SLC15A4: variants seen among roughly 807,000 people sequenced by gnomAD.
The protein encoded by SLC15A4 is hPHT1.
Under a neutral mutation model 46.1 loss-of-function variants are expected in SLC15A4, and 26 were observed. The observed-to-expected ratio is 0.56, with a 90% CI of 0.41 to 0.78. SLC15A4 has a LOEUF of 0.78. SLC15A4 is among the 30% of genes least tolerant of loss of function. The pLI is 0.00. For missense variants in SLC15A4, 751 were observed against 755.7 expected, an observed-to-expected ratio of 0.99 and a Z score of 0.07; for synonymous variants, 370 against 333.4, an observed-to-expected ratio of 1.11 and a Z score of -1.20.
intron 1 of SLC15A4, among the ~76,000 whole-genome samples, chr12:128,816,134 G>C (rs1955747650): frequency 1.3e-5 from 2 of 152,206 alleles, no homozygotes; most frequent in South Asian, 4.1e-4. Flanking sequence ...TCAAACAAAA[G>C]CACTGAGGTA....
intron 1 of SLC15A4, among the ~76,000 whole-genome samples, chr12:128,816,461 T>C (rs565713656): frequency 1.2e-4 from 18 of 152,250 alleles, no homozygotes; most frequent in Non-Finnish European, 1.8e-4. Context: ...AAAATTCTTA[T>C]TCTAATAATA....
At chr12:128,814,521 C>A (rs1955716463) in intron 2 of SLC15A4, 1 of 469,230 alleles carries the variant, frequency 2.1e-6, no homozygotes, top group Non-Finnish European at 3.8e-6. Context: ...TCCGTCTACA[C>A]TAGCAGTGAG....
chr12:128,823,597 C>G lies in SLC15A4; in HGVS notation c.347G>C (p.Gly116Ala). The G allele has an allele frequency of 6.9e-7, 1 of 1,457,628 alleles. No homozygotes were observed. The highest frequency in any genetic ancestry group is 9.0e-7 in the Non-Finnish European group (1 of 1,111,306). The allele number at this position is 1,457,628 out of a possible 1,614,324, so 90.3% of individuals were successfully genotyped here. Reference sequence around the variant, plus strand: ...GGCCAGCAGCGGGAAGGCCAGCATGCCCAGCAGGTAGAGCGCCAGGCTCAG... The same window carrying G: ...GGCCAGCAGCGGGAAGGCCAGCATGGCCAGCAGGTAGAGCGCCAGGCTCAG... ...ILLSLALYLL[G>A]MLAFPLLAAP... is the part of the protein sequence containing the mutation. The change falls in exon 1 of 8, where the codon GGC becomes GCC. Residue 116 changes from glycine to alanine, a missense_variant. Gly to Ala is a moderately conservative substitution (Grantham distance 60, BLOSUM62 0). Transcript: ENST00000266771.
intron 5 of SLC15A4, among the ~76,000 whole-genome samples, chr12:128,806,900 CG>C (rs1458654900): frequency 7.7e-6 from 1 of 129,822 alleles, no homozygotes. Context: ...ATTTTGCTAG[CG>C]CTTTTTTTTT....
At chr12:128,805,469 A>C (rs1955573623) in intron 5 of SLC15A4, among the ~76,000 whole-genome samples, 1 of 152,212 alleles carries the variant, frequency 6.6e-6, no homozygotes, top group African/African-American at 2.4e-5. Context: ...TAAACCTAAC[A>C]TAAAAGGTAG....
At chr12:128,805,897 C>A (rs1404880831) in intron 5 of SLC15A4, among the ~76,000 whole-genome samples, 1 of 151,916 alleles carries the variant, frequency 6.6e-6, no homozygotes, top group Non-Finnish European at 1.5e-5. Flanking sequence ...AAAAGAAAAA[C>A]CTGGCCGGGT....
At chr12:128,802,339 G>A (rs528960326) in intron 5 of SLC15A4, among the ~76,000 whole-genome samples, 16 of 152,206 alleles carry the variant, frequency 1.1e-4, no homozygotes, top group African/African-American at 2.2e-4. Context: ...TGGCATCAGC[G>A]CCTTCAAACA....
At chr12:128,795,515 G>A (rs1201112978) in intron 7 of SLC15A4, among the ~76,000 whole-genome samples, 1 of 152,172 alleles carries the variant, frequency 6.6e-6, no homozygotes, top group Admixed American at 6.5e-5. Flanking sequence ...GTAAAATGGG[G>A]AAAGCGCCGA....
chr12:128,798,921 CG>C (rs3214973), intron 7 of SLC15A4, among the ~76,000 whole-genome samples: 14,403 of 152,232 alleles, frequency 0.095, 922 homozygotes, highest in Admixed American at 0.2. Context: ...AGCTGCCTCA[CG>C]AAGACTGAGC....
Position 128,823,677 on chromosome 12 carries a change from C to T in SLC15A4, c.267G>A (p.Ser89=). The change falls in exon 1 of 8, where the codon TCG becomes TCA. Residue 89 remains serine (S), a synonymous_variant. Transcript: ENST00000266771. The part of the protein sequence containing the change: ...LLFMGLTYLG[S]PFGGWLADAR... ...CGTCGGCCAGCCAGCCTCCGAACGG[C>T]GAGCCCAGGTAGGTGAGGCCCATGA... The T allele has an allele frequency of 6.7e-7, 1 of 1,502,586 alleles. No individual in the cohort carries two copies. Among genetic ancestry groups the T allele is most frequent in the Admixed American group, 2.1e-5 (1 of 47,316 alleles). 93.1% of individuals were successfully genotyped at this position (1,502,586 alleles called of 1,614,324 possible). A position where few individuals can be genotyped will look rare whatever the true frequency, so the allele number is the denominator to read the frequency against.
intron 7 of SLC15A4, among the ~76,000 whole-genome samples, chr12:128,796,352 C>T (rs1022791865): frequency 2.7e-5 from 4 of 145,572 alleles, no homozygotes; most frequent in Admixed American, 1.5e-4. Context: ...CACTTGAACC[C>T]GGGAGGTGAA....
In SLC15A4 at chr12:128,799,281, C is replaced by G; in HGVS notation, c.1551G>C (p.Trp517Cys). 6.2e-6 allele frequency: 10 copies of G among 1,614,136 alleles called. No individual in the cohort carries two copies. The highest frequency in any genetic ancestry group is 8.5e-6 in the Non-Finnish European group (10 of 1,180,032). ...LALVSIKAIG[W>C]MSSHTDFGNI... ...TACCAAAGTCTGTGTGACTGCTCAT[C>G]CATCCGATGGCTTTGATAGACACCA... is the stretch of plus-strand genomic sequence containing the variant. Residue 517 changes from tryptophan (W) to cysteine (C), a missense_variant, in exon 7 of 8, where the codon TGG (tryptophan) becomes TGC (cysteine). Coordinates refer to ENST00000266771, the MANE Select transcript of SLC15A4 (RefSeq NM_145648.4).
chr12:128,801,129 C>T lies in SLC15A4; in HGVS notation c.1259-120G>A, dbSNP rs184739742. ...GTGATTCTGATGCGTGAAAGGACCA[C>T]GTCTAATCACAGCTTCCCCCAGGAC... is the stretch of plus-strand genomic sequence containing the variant. On this transcript the variant is annotated intron_variant, in intron 5 of 7. Transcript: ENST00000266771. The T allele has an allele frequency of 2.0e-5, 18 of 910,692 alleles. No homozygotes were observed. The East Asian group carries it at 2.7e-4, about 14-fold the overall frequency. 56.4% of individuals were successfully genotyped at this position (910,692 alleles called of 1,614,324 possible).
chr12:128,821,915 A>G (rs1258888496), intron 1 of SLC15A4, among the ~76,000 whole-genome samples: 2 of 151,600 alleles, frequency 1.3e-5, no homozygotes, highest in Non-Finnish European at 2.9e-5. Context: ...AAGAAAGAAA[A>G]TATTAAGAAC....
intron 5 of SLC15A4, 29 bp downstream of exon 5, chr12:128,808,759 G>T: frequency 6.2e-7 from 1 of 1,611,256 alleles, no homozygotes; most frequent in South Asian, 1.1e-5. Flanking sequence ...AGTCGGGCCT[G>T]AGGAGGAACG....
At position 128,793,418 on chromosome 12, in the gene SLC15A4, G is replaced by A. The variant is rs1955407105; in HGVS notation, c.*778C>T. On this transcript the variant is annotated 3_prime_UTR_variant, in exon 8 of 8. Coordinates refer to ENST00000266771, the MANE Select transcript of SLC15A4 (RefSeq NM_145648.4). ...TTTTCCTTACATACAACCATGATCA[G>A]TCTTTAGTCTCAATCGTACCAAAAT... 6.6e-6 allele frequency: 1 copy of A among 152,148 alleles called. No homozygotes were observed. The highest frequency in any genetic ancestry group is 6.5e-5 in the Admixed American group (1 of 15,270). 9.4% of individuals were successfully genotyped at this position (152,148 alleles called of 1,614,324 possible).
chr12:128,795,233 A>G (rs1476043918), intron 7 of SLC15A4, among the ~76,000 whole-genome samples: 1 of 152,192 alleles, frequency 6.6e-6, no homozygotes, highest in African/African-American at 2.4e-5. Flanking sequence ...TATCAAAGGA[A>G]GAGATGAGCT....
chr12:128,817,835 C>T (rs556143993), intron 1 of SLC15A4, among the ~76,000 whole-genome samples: 1 of 152,264 alleles, frequency 6.6e-6, no homozygotes, highest in East Asian at 1.9e-4. Context: ...GAAGGGACAT[C>T]ACATGCTTCC....
intron 1 of SLC15A4, among the ~76,000 whole-genome samples, chr12:128,817,685 C>T (rs1379525221): frequency 6.6e-6 from 1 of 152,220 alleles, no homozygotes; most frequent in Non-Finnish European, 1.5e-5. Flanking sequence ...GCCATTCATC[C>T]TCATTTCCTG....
Sources: allele counts gnomAD v4.1 joint callset (sites outside exome capture counted in the v4.1 genomes callset), GRCh38; gene constraint gnomAD v4.1.1; transcripts MANE v1.5; gene names NCBI Gene and HGNC (gene_info 2026-07-23, HGNC 2026-07-21).